Variants in RGS7BP observed in about 807,000 individuals in gnomAD.
RGS7BP encodes regulator of G protein signaling 7 binding protein.
RGS7BP carries 9 observed loss-of-function variants against 31.3 expected under a neutral mutation model. The observed-to-expected ratio is 0.29, with a 90% CI of 0.17 to 0.50. RGS7BP has a LOEUF of 0.50. Among genes scored for constraint, RGS7BP ranks in the 20% least tolerant of loss-of-function variants. RGS7BP has a pLI of 0.98. For synonymous variants in RGS7BP, 115 were observed against 120.1 expected (o/e 0.96, Z 0.28); for missense variants, 274 against 322.0 (o/e 0.85, Z 1.14).
chr5:64,562,469 C>A (rs1044543052), intron 2 of RGS7BP, among the ~76,000 whole-genome samples: 1 of 152,100 alleles, frequency 6.6e-6, no homozygotes, highest in African/African-American at 2.4e-5. Context: ...CCCAAAATCA[C>A]ACACTTGTAA....
Position 64,594,764 on chromosome 5 carries a change from C to A in RGS7BP, c.518C>A (p.Ala173Asp). 1.2e-6 allele frequency: 2 copies of A among 1,613,694 alleles called. No individual in the cohort carries two copies. Among genetic ancestry groups the A allele is most frequent in the Admixed American group, 1.7e-5 (1 of 59,972 alleles). Reference protein sequence around the residue: ...KSLDCKIEESAETPALEDSSS... With the variant: ...KSLDCKIEESDETPALEDSSS... ...TTGGATTGCAAAATTGAGGAGAGTG[C>A]TGAAACACCTGCCCTAGAAGACTCC... Residue 173 changes from alanine (A) to aspartate (D), a missense_variant, in exon 4 of 6, where the codon GCT becomes GAT. Coordinates refer to ENST00000334025, the MANE Select transcript of RGS7BP (RefSeq NM_001029875.3).
intron 2 of RGS7BP, among the ~76,000 whole-genome samples, chr5:64,547,696 A>T (rs935936542): frequency 6.6e-6 from 1 of 152,204 alleles, no homozygotes; most frequent in Non-Finnish European, 1.5e-5. Flanking sequence ...TAGGTAGGAA[A>T]TATTATCATC....
At position 64,611,107 on chromosome 5, in the gene RGS7BP, C is replaced by T. The variant is rs1030976051; in HGVS notation, c.*1855C>T. 1.3e-5 allele frequency: 2 copies of T among 151,876 alleles called. No individual in the cohort carries two copies. The highest frequency in any genetic ancestry group is 3.9e-4 in the East Asian group (2 of 5,172). The allele number at this position is 151,876 out of a possible 1,614,324, so 9.4% of individuals were successfully genotyped here. A position where few individuals can be genotyped will look rare whatever the true frequency, so the allele number is the denominator to read the frequency against. ...TATTTAAAGACTCTTAGGGTAAATA[C>T]TCCCTGGAAAAGCAAGCAATCCAGA... On this transcript the variant is annotated 3_prime_UTR_variant, in exon 6 of 6. Coordinates refer to ENST00000334025, the MANE Select transcript of RGS7BP (RefSeq NM_001029875.3).
intron 3 of RGS7BP, among the ~76,000 whole-genome samples, chr5:64,582,149 T>G (rs1344527453): frequency 1.3e-5 from 2 of 152,212 alleles, no homozygotes; most frequent in African/African-American, 4.8e-5. Flanking sequence ...TCACAGTTAG[T>G]TAGGTAGGAA....
Position 64,609,481 on chromosome 5 carries a change from T to C in RGS7BP, c.*229T>C. 1.9e-6 allele frequency: 1 copy of C among 522,878 alleles called. No homozygotes were observed. The highest frequency in any genetic ancestry group is 3.5e-6 in the Non-Finnish European group (1 of 289,434). 32.4% of individuals were successfully genotyped at this position (522,878 alleles called of 1,614,324 possible). Reference sequence around the variant, plus strand: ...AAACCAGGCTGTTTTTAAAAGGGAATTTTAAAGCTGACATTGTGCATGTCT... The same window carrying C: ...AAACCAGGCTGTTTTTAAAAGGGAACTTTAAAGCTGACATTGTGCATGTCT... On this transcript the variant is annotated 3_prime_UTR_variant, in exon 6 of 6. Coordinates refer to ENST00000334025, the MANE Select transcript of RGS7BP (RefSeq NM_001029875.3).
chr5:64,583,842 G>A (rs1017176403), intron 3 of RGS7BP, among the ~76,000 whole-genome samples: 1 of 152,218 alleles, frequency 6.6e-6, no homozygotes, highest in African/African-American at 2.4e-5. Context: ...ATACCAGTGA[G>A]TAGGACACTA....
chr5:64,521,449 G>C (rs1163517686), intron 2 of RGS7BP, among the ~76,000 whole-genome samples: 2 of 152,074 alleles, frequency 1.3e-5, no homozygotes, highest in East Asian at 3.9e-4. Context: ...TAGAGACGGG[G>C]TTTCACCATG....
intron 2 of RGS7BP, among the ~76,000 whole-genome samples, chr5:64,568,646 G>T (rs888463081): frequency 6.6e-6 from 1 of 151,860 alleles, no homozygotes; most frequent in South Asian, 2.1e-4. Flanking sequence ...AAATGTCACC[G>T]CTTATTCCCA....
intron 5 of RGS7BP, chr5:64,601,382 A>G: frequency 1.2e-6 from 1 of 826,074 alleles, no homozygotes. Context: ...ACTTAATCAT[A>G]TCTTCTCCCC....
intron 2 of RGS7BP, among the ~76,000 whole-genome samples, chr5:64,567,033 G>T (rs906724153): frequency 5.9e-5 from 9 of 151,740 alleles, no homozygotes; most frequent in African/African-American, 1.9e-4. Flanking sequence ...GTCCTCAAAC[G>T]GACCTTTTGC....
intron 3 of RGS7BP, among the ~76,000 whole-genome samples, chr5:64,589,337 C>T (rs956117742): frequency 1.3e-5 from 2 of 151,706 alleles, no homozygotes; most frequent in African/African-American, 4.8e-5. Context: ...GAAAAGGATG[C>T]GTCTACAATG....
Position 64,506,534 on chromosome 5 carries a change from G to A in RGS7BP, c.-91G>A. 1 of 1,227,280 alleles carries A rather than the reference G, an allele frequency of 8.1e-7. No individual in the cohort carries two copies. Among genetic ancestry groups the A allele is most frequent in the African/African-American group, 1.5e-5 (1 of 65,722 alleles). The allele number at this position is 1,227,280 out of a possible 1,614,324, so 76.0% of individuals were successfully genotyped here. On this transcript the variant is annotated 5_prime_UTR_variant, in exon 1 of 6. Transcript: ENST00000334025. The surrounding 1 kb of genome is among the most constrained non-coding windows in gnomAD (Gnocchi z 4.6). ...GCTGCGCGCCTCAGGTCCGGGCTCC[G>A]GCTGCTTGGCGGCGGCGCCCAGGGC...
intron 2 of RGS7BP, among the ~76,000 whole-genome samples, chr5:64,562,382 A>G (rs555699911): frequency 2.2e-4 from 33 of 152,070 alleles, no homozygotes; most frequent in Admixed American, 3.9e-4. Flanking sequence ...TCCATATATT[A>G]TTTCACTTAA....
At chr5:64,560,095 G>C (rs77150012) in intron 2 of RGS7BP, among the ~76,000 whole-genome samples, 1 of 152,048 alleles carries the variant, frequency 6.6e-6, no homozygotes, top group African/African-American at 2.4e-5. Context: ...ATGTCACACT[G>C]GCTGTTTCCT....
chr5:64,575,495 G>A (rs1232756796), intron 2 of RGS7BP, among the ~76,000 whole-genome samples: 1 of 152,162 alleles, frequency 6.6e-6, no homozygotes, highest in East Asian at 1.9e-4. Flanking sequence ...CTCAATTGAA[G>A]ATGTCTGATA....
intron 3 of RGS7BP, among the ~76,000 whole-genome samples, chr5:64,576,589 C>T (rs879324301): frequency 7.9e-5 from 12 of 152,164 alleles, no homozygotes; most frequent in East Asian, 5.8e-4. Flanking sequence ...CTCCCAGCTA[C>T]GGAGAAAAAG....
At chr5:64,553,982 G>A (rs1741859918) in intron 2 of RGS7BP, among the ~76,000 whole-genome samples, 1 of 152,158 alleles carries the variant, frequency 6.6e-6, no homozygotes, top group African/African-American at 2.4e-5. Context: ...CTTGTAGTTA[G>A]AAGATCATAT....
chr5:64,512,566 G>A (rs1748868122), intron 2 of RGS7BP, among the ~76,000 whole-genome samples: 1 of 152,126 alleles, frequency 6.6e-6, no homozygotes, highest in Non-Finnish European at 1.5e-5. Flanking sequence ...GCATTGTGAG[G>A]ATCAAGTACT....
At chr5:64,576,736 C>G (rs554393604) in intron 3 of RGS7BP, among the ~76,000 whole-genome samples, 1 of 152,318 alleles carries the variant, frequency 6.6e-6, no homozygotes, top group South Asian at 2.1e-4. Flanking sequence ...CCCCACCCAA[C>G]CAGTGGATAT....
Sources: gnomAD v4.1 joint callset for allele counts (sites outside exome capture counted in the v4.1 genomes callset) on GRCh38, gnomAD v4.1.1 for gene constraint, Gnocchi (gnomAD v3.1) non-coding constraint, MANE v1.5 for transcripts, NCBI Gene and HGNC (gene_info 2026-07-23, HGNC 2026-07-21) for gene names.